Variants in UNC13C observed in about 807,000 individuals in gnomAD.
The protein encoded by UNC13C is unc-13 homolog C.
In UNC13C, 174 loss-of-function variants were observed where a neutral mutation model predicts 245.4. The observed-to-expected ratio is 0.71, with a 90% CI of 0.63 to 0.80. The LOEUF (loss-of-function observed/expected upper bound fraction) is 0.80. Among genes scored for constraint, UNC13C ranks in the 30% least tolerant of loss-of-function variants. The probability of loss-of-function intolerance (pLI) is 0.00; values close to 1 mark genes in which losing one functional copy is unlikely to be tolerated. For synonymous variants in UNC13C, 992 were observed against 895.1 expected (o/e 1.11, Z -1.93); for missense variants, 2,829 against 2,602.9 (o/e 1.09, Z -1.89).
chr15:53,841,514 C>T, the UNC13C span, among the ~76,000 whole-genome samples: 1 of 151,852 alleles, frequency 6.6e-6, no homozygotes, highest in Admixed American at 6.6e-5. Context: ...AACTAATAGA[C>T]ATTAAAGAAG....
chr15:54,264,016 C>G, intron 8 of UNC13C, 152 bp from the exon 9 acceptor site: 1 of 669,178 alleles, frequency 1.5e-6, no homozygotes, highest in South Asian at 1.9e-5. Flanking sequence ...CTCAGCATAG[C>G]AGTTCATTAT....
intron 30 of UNC13C, among the ~76,000 whole-genome samples, chr15:54,579,185 C>T (rs1328414762): frequency 2.0e-5 from 3 of 152,140 alleles, no homozygotes. Context: ...ATTTCTTCTA[C>T]AGGATTCCAA....
intron 19 of UNC13C, among the ~76,000 whole-genome samples, chr15:54,444,657 A>G (rs1166017938): frequency 5.3e-5 from 8 of 151,934 alleles, no homozygotes; most frequent in Admixed American, 3.3e-4. Flanking sequence ...TTCTATAGTC[A>G]TAACATTTAC....
the UNC13C span, among the ~76,000 whole-genome samples, chr15:53,931,577 A>G: frequency 2.0e-5 from 3 of 151,708 alleles, no homozygotes; most frequent in Non-Finnish European, 4.4e-5. Flanking sequence ...TATGCTTTCC[A>G]CTTTCCTGGG....
chr15:54,020,031 A>G (rs1367251524), intron 2 of UNC13C, among the ~76,000 whole-genome samples: 1 of 152,150 alleles, frequency 6.6e-6, no homozygotes, highest in African/African-American at 2.4e-5. Flanking sequence ...TAATAAAACA[A>G]AATCTAAAAT....
chr15:54,013,621 C>T lies in UNC13C; in HGVS notation c.718C>T (p.His240Tyr). The change falls in exon 2 of 33, where the codon CAT (histidine) becomes TAT (tyrosine). Residue 240 changes from histidine to tyrosine, a missense_variant. His to Tyr is a moderately conservative substitution (Grantham distance 83, BLOSUM62 2). Coordinates refer to ENST00000260323, the MANE Select transcript of UNC13C (RefSeq NM_001080534.3). The part of the protein sequence containing the change: ...FSSSGCISQT[H>Y]DVMEMIFKEL... Reference sequence around the variant, plus strand: ...TTCCTCTGGCTGCATTAGCCAAACACATGATGTCATGGAAATGATCTTTAA... The same window carrying T: ...TTCCTCTGGCTGCATTAGCCAAACATATGATGTCATGGAAATGATCTTTAA... 1.9e-6 allele frequency: 3 copies of T among 1,613,646 alleles called. No individual in the cohort carries two copies. Among genetic ancestry groups the T allele is most frequent in the Non-Finnish European group, 2.5e-6 (3 of 1,179,758 alleles).
At chr15:54,074,731 G>C (rs12913167) in intron 2 of UNC13C, among the ~76,000 whole-genome samples, 71,544 of 151,982 alleles carry the variant, frequency 0.47, 18,750 homozygotes, top group Non-Finnish European at 0.6. Context: ...ATTTCATATT[G>C]CAAGACTTGG....
chr15:54,107,418 G>A (rs1402054113), intron 2 of UNC13C, among the ~76,000 whole-genome samples: 1 of 152,178 alleles, frequency 6.6e-6, no homozygotes, highest in Non-Finnish European at 1.5e-5. Context: ...TGCACTTGAA[G>A]TACTTTGATG....
At chr15:54,616,111 TTTC>T (rs369740291) in intron 30 of UNC13C, among the ~76,000 whole-genome samples, 2 of 152,164 alleles carry the variant, frequency 1.3e-5, no homozygotes, top group African/African-American at 4.8e-5. Context: ...ACCTCATGGA[TTTC>T]TTACTAACCT....
intron 30 of UNC13C, among the ~76,000 whole-genome samples, chr15:54,568,400 G>C (rs917387848): frequency 1.3e-5 from 2 of 152,048 alleles, no homozygotes; most frequent in African/African-American, 4.8e-5. Context: ...CTCATTTTAT[G>C]CTCATTTCAT....
chr15:54,493,797 C>T (rs1048168046), intron 19 of UNC13C, among the ~76,000 whole-genome samples: 7 of 152,062 alleles, frequency 4.6e-5, no homozygotes, highest in Non-Finnish European at 8.8e-5. Flanking sequence ...CATAGATAAA[C>T]ATTCTCAGTA....
chr15:54,337,639 C>G (rs2038619430), intron 16 of UNC13C, among the ~76,000 whole-genome samples: 1 of 152,194 alleles, frequency 6.6e-6, no homozygotes, highest in African/African-American at 2.4e-5. Flanking sequence ...CTTGATCAAG[C>G]ATCATCTTCT....
At chr15:54,332,436 C>G (rs1010735656) in intron 15 of UNC13C, among the ~76,000 whole-genome samples, 6 of 151,908 alleles carry the variant, frequency 3.9e-5, no homozygotes, top group African/African-American at 4.8e-5. Flanking sequence ...TGGCCCAGTC[C>G]TCATTTTGAA....
chr15:54,548,220 T>G (rs1596549104), intron 27 of UNC13C, among the ~76,000 whole-genome samples: 1 of 87,044 alleles, frequency 1.1e-5, no homozygotes, highest in South Asian at 3.9e-4. Flanking sequence ...TTTTTTTTTT[T>G]TTTTTTTTTT....
At chr15:54,059,812 T>G (rs1387355818) in intron 2 of UNC13C, among the ~76,000 whole-genome samples, 3 of 151,968 alleles carry the variant, frequency 2.0e-5, no homozygotes, top group African/African-American at 7.2e-5. Context: ...AAATAATGCC[T>G]CATATCTACA....
At chr15:54,463,447 G>T (rs568531959) in intron 19 of UNC13C, among the ~76,000 whole-genome samples, 1 of 151,720 alleles carries the variant, frequency 6.6e-6, no homozygotes, top group Non-Finnish European at 1.5e-5. Flanking sequence ...AACACTCACC[G>T]CGAAGCTCTG....
intron 29 of UNC13C, among the ~76,000 whole-genome samples, chr15:54,561,060 GCTGACTATTAAAT>G (rs1897279784): frequency 6.6e-6 from 1 of 151,906 alleles, no homozygotes; most frequent in African/African-American, 2.4e-5. Flanking sequence ...TCTCAAAGGA[GCTGACTATTAAAT>G]CTGACTCTTT....
chr15:54,359,090 T>A (rs1019830665), intron 17 of UNC13C, among the ~76,000 whole-genome samples: 2 of 152,070 alleles, frequency 1.3e-5, no homozygotes, highest in South Asian at 2.1e-4. Context: ...TGATTTTTTG[T>A]TTTTTGTCCT....
intron 4 of UNC13C, among the ~76,000 whole-genome samples, chr15:54,229,070 C>G (rs2035476337): frequency 6.6e-6 from 1 of 152,150 alleles, no homozygotes; most frequent in African/African-American, 2.4e-5. Context: ...GTAAATGCTC[C>G]TTCTGTGGGC....
Sources: allele counts gnomAD v4.1 joint callset (sites outside exome capture counted in the v4.1 genomes callset), GRCh38; gene constraint gnomAD v4.1.1; transcripts MANE v1.5; gene names NCBI Gene and HGNC (gene_info 2026-07-23, HGNC 2026-07-21).